Variants in IL17D observed in about 807,000 individuals in gnomAD.
IL17D encodes interleukin 17D.
Under a neutral mutation model 5.7 loss-of-function variants are expected in IL17D, and 10 were observed. The ratio of observed to expected loss-of-function variants is 1.75; its 90% CI spans 1.08 to 2.97. The LOEUF is 2.97. IL17D is among the 30% of genes most tolerant of loss of function. The probability of loss-of-function intolerance (pLI) is 0.00; values close to 1 mark genes in which losing one functional copy is unlikely to be tolerated. For synonymous variants in IL17D, 172 were observed against 141.7 expected, an observed-to-expected ratio of 1.21 and a Z score of -1.52; for missense variants, 354 against 292.7, an observed-to-expected ratio of 1.21 and a Z score of -1.53.
Position 20,719,249 on chromosome 13 carries a change from C to T in IL17D, c.291-2387C>T, listed in dbSNP as rs116529438. The stretch of plus-strand genomic sequence containing the variant: ...CACGCCCATGCTTACACGCACCTGC[C>T]CAAACATGCCCACACACACCCCCAC... On this transcript the variant is annotated intron_variant, in intron 1 of 1. Coordinates refer to ENST00000682841, the MANE Select transcript of IL17D (RefSeq NM_001385224.1). Among the ~76,000 whole-genome samples the T allele has an allele frequency of 6.4e-3, 945 of 146,788 alleles. 14 individuals carry two copies. The highest frequency in any genetic ancestry group is 0.023 in the African/African-American group (903 of 39,720).
At chr13:20,715,923 G>A (rs1006217898) in intron 1 of IL17D, 1 of 155,418 alleles carries the variant, frequency 6.4e-6, no homozygotes, top group Admixed American at 6.6e-5. Context: ...ATTCTTTTAC[G>A]TATTTTTTGT....
rs143890293 is a variant in IL17D, at chr13:20,721,711, G to C, written c.366G>C (p.Gly122=). 5.2e-4 allele frequency: 839 copies of C among 1,611,312 alleles called. 6 individuals carry two copies. The African/African-American group carries it at 9.7e-3, about 19-fold the overall frequency. Residue 122 remains glycine, a synonymous_variant, in exon 2 of 2, where the codon GGG becomes GGC. Coordinates refer to ENST00000682841, the MANE Select transcript of IL17D (RefSeq NM_001385224.1). ...GCCTGTGCCGGGGCTGCCTGACCGG[G>C]CTGTTCGGCGAGGAGGACGTGCGCT... The part of the protein sequence containing the change: ...AYCLCRGCLT[G]LFGEEDVRFR...
At chr13:20,713,662 AT>A (rs1161533429) in intron 1 of IL17D, 3 of 152,186 alleles carry the variant, frequency 2.0e-5, no homozygotes, top group Admixed American at 2.0e-4. Flanking sequence ...GCCTCTTGCA[AT>A]GCTCCTCACC....
chr13:20,722,117 T>C lies in IL17D; in HGVS notation c.*163T>C. ...CCATGGAGACTCGTAAGCAGCTTCA[T>C]CTGACACGGGCATCCCTGGCTTGCT... is the stretch of plus-strand genomic sequence containing the variant. On this transcript the variant is annotated 3_prime_UTR_variant, in exon 2 of 2. Transcript: ENST00000682841. 1.7e-6 allele frequency: 1 copy of C among 597,000 alleles called. No homozygotes were observed. 37.0% of individuals were successfully genotyped at this position (597,000 alleles called of 1,614,324 possible).
Position 20,716,634 on chromosome 13 carries a change from C to T in IL17D, c.291-5002C>T, listed in dbSNP as rs766165410. 3.0e-4 allele frequency among the ~76,000 whole-genome samples: 45 copies of T among 152,214 alleles called. No homozygotes were observed. The highest frequency in any genetic ancestry group is 5.4e-4 in the Non-Finnish European group (37 of 68,040). ...TTGGGCTACAGTTTTAGGTCCCAGA[C>T]TCTTAATGGCTGCATCCTCCCCTTT... On this transcript the variant is annotated intron_variant, in intron 1 of 1. Coordinates refer to ENST00000682841, the MANE Select transcript of IL17D (RefSeq NM_001385224.1). This position sits in a 1 kb window ranked among gnomAD's most constrained non-coding sequence, Gnocchi z 4.2.
intron 1 of IL17D, among the ~76,000 whole-genome samples, chr13:20,708,288 A>G (rs1366093623): frequency 6.6e-6 from 1 of 152,234 alleles, no homozygotes; most frequent in Non-Finnish European, 1.5e-5. Context: ...TGATGGGCAC[A>G]GCAAGGATCA....
At position 20,722,045 on chromosome 13, in the gene IL17D, G is replaced by A; in HGVS notation, c.*91G>A. 1.8e-6 allele frequency: 2 copies of A among 1,120,656 alleles called. No individual in the cohort carries two copies. The highest frequency in any genetic ancestry group is 1.2e-6 in the Non-Finnish European group (1 of 813,962). 69.4% of individuals were successfully genotyped at this position (1,120,656 alleles called of 1,614,324 possible). On this transcript the variant is annotated 3_prime_UTR_variant, in exon 2 of 2. Coordinates refer to ENST00000682841, the MANE Select transcript of IL17D (RefSeq NM_001385224.1). ...GAGGGCTCGGTCGGCGACCTCTGAA[G>A]AGAGTGCACCGAGCAAACCAAGTGC...
intron 1 of IL17D, among the ~76,000 whole-genome samples, chr13:20,711,464 C>T (rs775565138): frequency 9.9e-5 from 15 of 152,174 alleles, no homozygotes; most frequent in Non-Finnish European, 1.5e-4. Flanking sequence ...CCAGTCACCT[C>T]TTCAAGGCCC....
intron 1 of IL17D, among the ~76,000 whole-genome samples, chr13:20,718,732 C>A (rs2058703938): frequency 1.1e-5 from 1 of 93,526 alleles, no homozygotes; most frequent in Non-Finnish European, 2.4e-5. Context: ...ACACACATGG[C>A]TACGCTCACA....
chr13:20,710,828 T>C (rs2058630843), intron 1 of IL17D, among the ~76,000 whole-genome samples: 1 of 152,140 alleles, frequency 6.6e-6, no homozygotes, highest in African/African-American at 2.4e-5. Flanking sequence ...CTCTGGACAA[T>C]TTAAGAAACT....
intron 1 of IL17D, among the ~76,000 whole-genome samples, chr13:20,708,545 G>A (rs1432270090): frequency 3.3e-5 from 5 of 152,126 alleles, no homozygotes; most frequent in African/African-American, 1.2e-4. Context: ...GTCCCCAAAA[G>A]TCACAGAAGA....
chr13:20,713,187 C>G (rs1195780552), intron 1 of IL17D: 1 of 152,162 alleles, frequency 6.6e-6, no homozygotes, highest in Non-Finnish European at 1.5e-5. Context: ...AAAACGAGGG[C>G]GTTAGAGAAA....
At position 20,722,455 on chromosome 13, in the gene IL17D, T is replaced by C. The variant is rs2058744979; in HGVS notation, c.*501T>C. 1 of 152,816 alleles carries C rather than the reference T, an allele frequency of 6.5e-6. No homozygotes were observed. The allele number at this position is 152,816 out of a possible 1,614,324, so 9.5% of individuals were successfully genotyped here. On this transcript the variant is annotated 3_prime_UTR_variant, in exon 2 of 2. Transcript: ENST00000682841. The stretch of plus-strand genomic sequence containing the variant: ...ATCAAATGAGAGCTACTCTGTTACA[T>C]TTCTTAACATATAAACATCGTTTTT...
chr13:20,707,038 T>TGGC (rs1026910101), intron 1 of IL17D, among the ~76,000 whole-genome samples: 1 of 152,164 alleles, frequency 6.6e-6, no homozygotes, highest in Non-Finnish European at 1.5e-5. Context: ...CTTCAGGGGA[T>TGGC]GGCTGCTGGG....
chr13:20,713,050 CTG>C (rs2058652741), intron 1 of IL17D: 8 of 150,710 alleles, frequency 5.3e-5, no homozygotes, highest in Admixed American at 5.3e-4. Flanking sequence ...TGCTTCCAAA[CTG>C]TGGGTTATTT....
At chr13:20,719,096 C>T (rs1275535756) in intron 1 of IL17D, among the ~76,000 whole-genome samples, 2 of 149,616 alleles carry the variant, frequency 1.3e-5, no homozygotes, top group African/African-American at 4.9e-5. Flanking sequence ...CCCATGCTCA[C>T]ACCTGCCCAT....
chr13:20,711,996 C>G (rs893936431), intron 1 of IL17D, among the ~76,000 whole-genome samples: 1 of 152,200 alleles, frequency 6.6e-6, no homozygotes, highest in African/African-American at 2.4e-5. Context: ...CAGCAATGGC[C>G]CATTCACTGC....
intron 1 of IL17D, chr13:20,717,299 G>A (rs1194672154): frequency 6.6e-6 from 1 of 152,286 alleles, no homozygotes; most frequent in African/African-American, 2.4e-5. Context: ...AAAATGTGAA[G>A]ACAAAAGAAT....
chr13:20,703,219 T>C, upstream of IL17D: 2 of 956,838 alleles, frequency 2.1e-6, no homozygotes, highest in South Asian at 4.8e-5. Context: ...GAAGCCCCAG[T>C]TTGCGTGGCC....
Sources: allele counts gnomAD v4.1 joint callset (sites outside exome capture counted in the v4.1 genomes callset), GRCh38; gene constraint gnomAD v4.1.1; non-coding constraint Gnocchi (gnomAD v3.1); transcripts MANE v1.5; gene names NCBI Gene and HGNC (gene_info 2026-07-23, HGNC 2026-07-21).